SPAG17: variants seen among roughly 807,000 people sequenced by gnomAD.
SPAG17 encodes the protein sperm-associated antigen 17.
Under a neutral mutation model 273.6 loss-of-function variants are expected in SPAG17, and 169 were observed. The observed-to-expected ratio is 0.62, with a 90% CI of 0.55 to 0.70. The LOEUF is 0.70. SPAG17 is among the 30% of genes least tolerant of loss of function. SPAG17 has a pLI of 0.00. For synonymous variants in SPAG17, 825 were observed against 873.2 expected (o/e 0.94, Z 0.97); for missense variants, 2,557 against 2,627.8 (o/e 0.97, Z 0.59).
Position 117,979,297 on chromosome 1 carries a change from T to C in SPAG17, c.6004+1973A>G, listed in dbSNP as rs114976159. ...AGCAACATCAGCACCACTTGTGAAC[T>C]CATCAAAACTACAAATTCTCAGCCT... On this transcript the variant is annotated intron_variant, in intron 43 of 48. Transcript: ENST00000336338. 4.2e-3 allele frequency among the ~76,000 whole-genome samples: 639 copies of C among 152,308 alleles called. 4 individuals are homozygous for C. Among genetic ancestry groups the C allele is most frequent in the African/African-American group, 0.015 (607 of 41,556 alleles).
chr1:118,075,335 T>C (rs745425466), intron 15 of SPAG17, among the ~76,000 whole-genome samples: 39 of 152,202 alleles, frequency 2.6e-4, no homozygotes, highest in Non-Finnish European at 4.8e-4. Flanking sequence ...ATTGGGATGG[T>C]GATATCATCC....
intron 17 of SPAG17, among the ~76,000 whole-genome samples, chr1:118,067,310 T>C (rs1653081523): frequency 6.6e-6 from 1 of 152,252 alleles, no homozygotes; most frequent in Non-Finnish European, 1.5e-5. Flanking sequence ...CCTATTTATA[T>C]GTTGAAGCCT....
chr1:118,039,217 A>G, intron 23 of SPAG17, 75 bp downstream of exon 23: 2 of 1,441,236 alleles, frequency 1.4e-6, no homozygotes, highest in Middle Eastern at 1.9e-4. Context: ...GCAATAAGCC[A>G]TTCATTTAAT....
chr1:117,966,658 AT>A lies in SPAG17; in HGVS notation c.6482del (p.Asn2161IlefsTer5). ...CCTCATGCTCTGTCATAATCTCGAT[AT>A]TGTGAGAGATGTGTGCTGATCCCTT... Reference protein sequence around the residue: ...GAKGSAHISHNIEIMTEHEVL... With the variant: ...GAKGSAHISHXIEIMTEHEVL... On this transcript the variant is annotated frameshift_variant, in exon 47 of 49. Transcript: ENST00000336338. LOFTEE classifies it high-confidence loss of function. 6.2e-7 allele frequency: 1 copy of A among 1,613,908 alleles called. No homozygotes were observed. Among genetic ancestry groups the A allele is most frequent in the Non-Finnish European group, 8.5e-7 (1 of 1,179,922 alleles).
chr1:118,148,808 C>T (rs1010358403), intron 3 of SPAG17, among the ~76,000 whole-genome samples: 1 of 152,144 alleles, frequency 6.6e-6, no homozygotes, highest in East Asian at 1.9e-4. Flanking sequence ...GGCCACCACT[C>T]GCAACTACCA....
chr1:118,183,508 T>C (rs1570845795), intron 1 of SPAG17, among the ~76,000 whole-genome samples: 1 of 152,140 alleles, frequency 6.6e-6, no homozygotes, highest in Non-Finnish European at 1.5e-5. Context: ...CTGAAGAAAA[T>C]TGAGTTCACT....
At chr1:118,020,231 C>T (rs1660370835) in intron 28 of SPAG17, among the ~76,000 whole-genome samples, 1 of 152,082 alleles carries the variant, frequency 6.6e-6, no homozygotes, top group Non-Finnish European at 1.5e-5. Context: ...CCAGCCTGGC[C>T]AACATGGTGA....
intron 43 of SPAG17, among the ~76,000 whole-genome samples, chr1:117,974,599 G>A (rs926193878): frequency 6.6e-6 from 1 of 152,082 alleles, no homozygotes; most frequent in Non-Finnish European, 1.5e-5. Context: ...GGTTTATTAA[G>A]TATAGATAAA....
chr1:117,983,463 T>G (rs1392825585), intron 42 of SPAG17, among the ~76,000 whole-genome samples: 1 of 152,244 alleles, frequency 6.6e-6, no homozygotes, highest in Non-Finnish European at 1.5e-5. Flanking sequence ...AAATGCTGAA[T>G]GTCTCCATTG....
Position 118,012,262 on chromosome 1 carries a change from T to G in SPAG17, c.4398A>C (p.Glu1466Asp). 1.2e-6 allele frequency: 2 copies of G among 1,613,544 alleles called. No homozygotes were observed. The highest frequency in any genetic ancestry group is 1.1e-5 in the South Asian group (1 of 91,014). ...GATCATCTGGCAGAATAATTTGATC[T>G]TCATAAACTTGATAAAAGGTTGTGA... ...TRITTFYQVYEDQIILPDDQE... is the reference protein window; with the variant it reads ...TRITTFYQVYDDQIILPDDQE... Residue 1466 changes from glutamate (E) to aspartate (D), a missense_variant, in exon 30 of 49, where the codon GAA becomes GAC. Transcript: ENST00000336338.
intron 3 of SPAG17, among the ~76,000 whole-genome samples, chr1:118,123,836 G>T (rs1397815845): frequency 6.6e-6 from 1 of 152,188 alleles, no homozygotes; most frequent in Non-Finnish European, 1.5e-5. Context: ...CCTCTTTGGG[G>T]CTGTAAGGAA....
At chr1:118,032,097 T>C (rs1291218928) in intron 24 of SPAG17, among the ~76,000 whole-genome samples, 2 of 152,202 alleles carry the variant, frequency 1.3e-5, no homozygotes, top group Non-Finnish European at 2.9e-5. Flanking sequence ...ACTGAATCAC[T>C]ATTTCTCATG....
intron 5 of SPAG17, 85 bp downstream of exon 5, chr1:118,101,655 G>T: frequency 7.4e-7 from 1 of 1,346,802 alleles, no homozygotes; most frequent in Non-Finnish European, 1.0e-6. Context: ...TGCGCTCTAT[G>T]TGAGTCACCA....
intron 30 of SPAG17, among the ~76,000 whole-genome samples, chr1:118,009,278 C>T (rs1035698673): frequency 5.9e-5 from 9 of 151,828 alleles, no homozygotes; most frequent in Non-Finnish European, 1.2e-4. Flanking sequence ...CACACACACA[C>T]ACACACACAC....
chr1:118,034,444 G>T (rs10733099), intron 24 of SPAG17, among the ~76,000 whole-genome samples: 87,149 of 152,090 alleles, frequency 0.57, 25,607 homozygotes, highest in African/African-American at 0.7. Flanking sequence ...ATTCCTGGTA[G>T]CTAGAATTCC....
chr1:118,111,163 T>C (rs1656733153), intron 4 of SPAG17, among the ~76,000 whole-genome samples: 1 of 152,236 alleles, frequency 6.6e-6, no homozygotes, highest in Non-Finnish European at 1.5e-5. Flanking sequence ...ATGTTAAAGA[T>C]GTATGTTTCT....
chr1:118,126,147 T>C (rs1657714218), intron 3 of SPAG17, among the ~76,000 whole-genome samples: 1 of 151,336 alleles, frequency 6.6e-6, no homozygotes, highest in Non-Finnish European at 1.5e-5. Flanking sequence ...ATTTTTCATC[T>C]AGCTGTTGCC....
chr1:118,160,647 A>G (rs1659866702), intron 1 of SPAG17, among the ~76,000 whole-genome samples: 1 of 152,250 alleles, frequency 6.6e-6, no homozygotes. Flanking sequence ...TACAAACACA[A>G]GATTGCCCTG....
At position 118,097,695 on chromosome 1, in the gene SPAG17, G is replaced by T. The variant is rs775586590; in HGVS notation, c.986C>A (p.Ser329Tyr). The T allele has an allele frequency of 1.9e-6, 3 of 1,604,476 alleles. No homozygotes were observed. The highest frequency in any genetic ancestry group is 2.5e-6 in the Non-Finnish European group (3 of 1,176,912). Residue 329 changes from serine (S) to tyrosine (Y), a missense_variant, in exon 7 of 49, where the codon TCT becomes TAT. By Grantham distance (144) the Ser-to-Tyr change is moderately radical (BLOSUM62 -2). Coordinates refer to ENST00000336338, the MANE Select transcript of SPAG17 (RefSeq NM_206996.4). ...EYMVKAADFP[S>Y]DWSDGEMMLK... is the part of the protein sequence containing the mutation. Reference sequence around the variant, plus strand: ...CATCATCTCACCATCTGACCAGTCAGAAGGAAAATCAGCTGCTTTGACCAT... The same window carrying T: ...CATCATCTCACCATCTGACCAGTCATAAGGAAAATCAGCTGCTTTGACCAT...
Sources: allele counts gnomAD v4.1 joint callset (sites outside exome capture counted in the v4.1 genomes callset), GRCh38; gene constraint gnomAD v4.1.1; transcripts MANE v1.5; gene names NCBI Gene and HGNC (gene_info 2026-07-23, HGNC 2026-07-21).